PCM1: variants seen among roughly 807,000 people sequenced by gnomAD.
The protein encoded by PCM1 is pericentriolar material 1 protein.
Under a neutral mutation model 241.9 loss-of-function variants are expected in PCM1, and 157 were observed. The observed-to-expected ratio is 0.65, with a 90% CI of 0.57 to 0.74. The LOEUF (loss-of-function observed/expected upper bound fraction) is 0.74, where lower values mean the gene tolerates loss of function less well. Ranked by LOEUF, PCM1 falls within the 30% of genes least tolerant of loss-of-function variation. The pLI is 0.00. For synonymous variants in PCM1, 1,085 were observed against 784.9 expected, an observed-to-expected ratio of 1.38 and a Z score of -6.39; for missense variants, 3,478 against 2,360.1, an observed-to-expected ratio of 1.47 and a Z score of -9.81.
At chr8:17,925,227 T>C (rs559518273) in intron 2 of PCM1, 26 of 152,348 alleles carry the variant, frequency 1.7e-4, no homozygotes, top group African/African-American at 5.8e-4. Context: ...TTATTATTAT[T>C]TTTTGTACTT....
chr8:17,941,213 G>GA (rs1425223943), intron 6 of PCM1, among the ~76,000 whole-genome samples: 1 of 152,140 alleles, frequency 6.6e-6, no homozygotes, highest in Admixed American at 6.5e-5. Context: ...GGTTCCAGCA[G>GA]AAATGGAAGG....
intron 18 of PCM1, 60 bp from the exon 19 acceptor site, chr8:17,965,939 C>G: frequency 8.5e-7 from 1 of 1,179,780 alleles, no homozygotes; most frequent in Non-Finnish European, 1.2e-6. Flanking sequence ...GAGTTTATTG[C>G]TGTATTTTAA....
chr8:18,014,325 A>G (rs561328150), intron 35 of PCM1, among the ~76,000 whole-genome samples: 1 of 152,088 alleles, frequency 6.6e-6, no homozygotes, highest in Non-Finnish European at 1.5e-5. Flanking sequence ...AAAAAAATCT[A>G]TTTGTAGGCC....
Position 18,028,689 on chromosome 8 carries a change from C to CATA in PCM1, c.*1028_*1030dup, listed in dbSNP as rs2094376445. 4.9e-6 allele frequency: 1 copy of CATA among 203,100 alleles called. No individual in the cohort carries two copies. The highest frequency in any genetic ancestry group is 2.3e-5 in the African/African-American group (1 of 43,618). The allele number at this position is 203,100 out of a possible 1,614,324, so 12.6% of individuals were successfully genotyped here. ...GATTTGCTTTTTATCCCAAACTGTC[C>CATA]ATATACCCAGTAAGGCTTCAAAAAA... is the stretch of plus-strand genomic sequence containing the variant. On this transcript the variant is annotated 3_prime_UTR_variant, in exon 39 of 39. Coordinates refer to ENST00000325083, the MANE Select transcript of PCM1 (RefSeq NM_006197.4).
intron 29 of PCM1, among the ~76,000 whole-genome samples, chr8:18,001,892 CCA>C (rs576647344): frequency 7.9e-5 from 12 of 151,606 alleles, no homozygotes; most frequent in Non-Finnish European, 1.5e-4. Context: ...CTGATCGTGT[CCA>C]GATTATTCCA....
intron 6 of PCM1, among the ~76,000 whole-genome samples, chr8:17,942,047 A>G (rs1245994952): frequency 2.0e-5 from 3 of 152,030 alleles, no homozygotes; most frequent in African/African-American, 7.3e-5. Flanking sequence ...TATAGCTTAC[A>G]GCTGTTTTTA....
At chr8:18,015,930 C>T (rs1457846898) in intron 36 of PCM1, 1 of 152,460 alleles carries the variant, frequency 6.6e-6, no homozygotes, top group Non-Finnish European at 1.5e-5. Flanking sequence ...GCTCTGTCAT[C>T]CAGGCTGGAG....
At chr8:18,018,879 T>TATATATAC (rs1417714546) in intron 36 of PCM1, among the ~76,000 whole-genome samples, 2 of 35,546 alleles carry the variant, frequency 5.6e-5, no homozygotes, top group Admixed American at 4.2e-4. Context: ...TATATATATA[T>TATATATAC]ACACACACAT....
chr8:17,961,375 A>T (rs62498181), intron 15 of PCM1, among the ~76,000 whole-genome samples: 6 of 140,630 alleles, frequency 4.3e-5, no homozygotes, highest in African/African-American at 1.6e-4. Context: ...CAGTGGTGCA[A>T]TCTCGGCTCA....
At position 17,947,287 on chromosome 8, in the gene PCM1, T is replaced by A. The variant is rs1195916675; in HGVS notation, c.885T>A (p.Ala295=). 1.9e-6 allele frequency: 3 copies of A among 1,612,812 alleles called. No individual in the cohort carries two copies. Among genetic ancestry groups the A allele is most frequent in the Admixed American group, 1.7e-5 (1 of 59,958 alleles). Residue 295 remains alanine (A), a synonymous_variant, in exon 7 of 39, where the codon GCT becomes GCA. Coordinates refer to ENST00000325083, the MANE Select transcript of PCM1 (RefSeq NM_006197.4). ...TACAACAGCAGGAGCAACTAAGAGCTCTACAGGGACGGCAGGCTGCACTTC... is the reference window on the plus strand; with the variant it reads ...TACAACAGCAGGAGCAACTAAGAGCACTACAGGGACGGCAGGCTGCACTTC... ...RMLQQQEQLR[A]LQGRQAALLA...
At position 17,955,464 on chromosome 8, in the gene PCM1, C is replaced by T. The variant is rs749072147; in HGVS notation, c.1289-6C>T. ...AAAAAATTTTTTGTTGTTGTGCCTTCTTCAGCCTCTCCACAAAGGAGTGTC... is the reference window on the plus strand; with the variant it reads ...AAAAAATTTTTTGTTGTTGTGCCTTTTTCAGCCTCTCCACAAAGGAGTGTC... On this transcript the variant is annotated splice_region_variant and splice_polypyrimidine_tract_variant and intron_variant, in intron 9 of 38. Coordinates refer to ENST00000325083, the MANE Select transcript of PCM1 (RefSeq NM_006197.4). The T allele has an allele frequency of 6.3e-7, 1 of 1,577,910 alleles. No individual in the cohort carries two copies. Among genetic ancestry groups the T allele is most frequent in the Non-Finnish European group, 8.6e-7 (1 of 1,163,144 alleles).
In PCM1 at chr8:17,963,239, A is replaced by G; in HGVS notation, c.2602A>G (p.Arg868Gly). ...ETASPVAVSL[R>G]SDGSENLCTP... ...TGCATCTCCAGTGGCTGTGTCATTG[A>G]GAAGTGATGGATCTGAGAACCTATG... is the stretch of plus-strand genomic sequence containing the variant. Residue 868 changes from arginine to glycine, a missense_variant, in exon 17 of 39, where the codon AGA becomes GGA. Physicochemically the swap from Arg to Gly is moderately radical, Grantham distance 125. Transcript: ENST00000325083. 6.2e-7 allele frequency: 1 copy of G among 1,613,604 alleles called. No homozygotes were observed. Among genetic ancestry groups the G allele is most frequent in the Non-Finnish European group, 8.5e-7 (1 of 1,179,732 alleles).
chr8:17,980,990 G>C (rs1348527229), intron 24 of PCM1, among the ~76,000 whole-genome samples: 1 of 152,150 alleles, frequency 6.6e-6, no homozygotes, highest in Non-Finnish European at 1.5e-5. Context: ...ACAAAGGATA[G>C]TTACAATTGT....
rs1332213634 is a variant in PCM1, at chr8:17,960,545, G to A, written c.2322+101G>A. On this transcript the variant is annotated intron_variant, in intron 15 of 38. Coordinates refer to ENST00000325083, the MANE Select transcript of PCM1 (RefSeq NM_006197.4). ...TGTTTTTGTTTTTCTTTTTTTTTGAGGCAGAGTCTCACTCTGTTGCCCAGG... is the reference window on the plus strand; with the variant it reads ...TGTTTTTGTTTTTCTTTTTTTTTGAAGCAGAGTCTCACTCTGTTGCCCAGG... 1.2e-5 allele frequency: 3 copies of A among 240,028 alleles called. 1 individual carries two copies. Among genetic ancestry groups the A allele is most frequent in the South Asian group, 5.2e-5 (2 of 38,374 alleles). 14.9% of individuals were successfully genotyped at this position (240,028 alleles called of 1,614,324 possible). A position where few individuals can be genotyped will look rare whatever the true frequency, so the allele number is the denominator to read the frequency against.
In PCM1 at chr8:17,947,259, T is replaced by C. The variant is rs199905137; in HGVS notation, c.857T>C (p.Met286Thr). The change falls in exon 7 of 39, where the codon ATG (methionine) becomes ACG (threonine). Residue 286 changes from methionine (M) to threonine (T), a missense_variant. Met to Thr is a moderately conservative substitution (Grantham distance 81, BLOSUM62 -1). Coordinates refer to ENST00000325083, the MANE Select transcript of PCM1 (RefSeq NM_006197.4). ...AAACAACATGATTTATTAAAAAGAA[T>C]GTTACAACAGCAGGAGCAACTAAGA... Reference protein sequence around the residue: ...LKKQHDLLKRMLQQQEQLRAL... With the variant: ...LKKQHDLLKRTLQQQEQLRAL... The C allele has an allele frequency of 1.2e-3, 1,987 of 1,610,752 alleles. 2 individuals are homozygous for C. Among genetic ancestry groups the C allele is most frequent in the Non-Finnish European group, 1.6e-3 (1,875 of 1,177,386 alleles).
chr8:18,013,872 T>C, intron 34 of PCM1, 92 bp from the exon 35 acceptor site: 1 of 730,158 alleles, frequency 1.4e-6, no homozygotes, highest in Non-Finnish European at 2.3e-6. Context: ...TATGAAGGTC[T>C]TGGGTTGGAC....
At chr8:17,954,568 C>T (rs2067326680) in intron 9 of PCM1, among the ~76,000 whole-genome samples, 1 of 152,044 alleles carries the variant, frequency 6.6e-6, no homozygotes, top group East Asian at 1.9e-4. Flanking sequence ...CACTGGGAAG[C>T]AGTGTGAGAG....
chr8:17,944,930 G>C (rs2063302455), intron 6 of PCM1, among the ~76,000 whole-genome samples: 2 of 152,026 alleles, frequency 1.3e-5, no homozygotes, highest in East Asian at 1.9e-4. Context: ...TCACAGTTTT[G>C]TGACTAATAA....
chr8:17,929,124 C>G (rs1271468896), intron 2 of PCM1, among the ~76,000 whole-genome samples: 1 of 152,148 alleles, frequency 6.6e-6, no homozygotes, highest in African/African-American at 2.4e-5. Flanking sequence ...ACCCTCACTA[C>G]CCCTGCTGAA....
Sources: gnomAD v4.1 joint callset for allele counts (sites outside exome capture counted in the v4.1 genomes callset) on GRCh38, gnomAD v4.1.1 for gene constraint, MANE v1.5 for transcripts, NCBI Gene and HGNC (gene_info 2026-07-23, HGNC 2026-07-21) for gene names.